FOXJ3: variants seen among roughly 807,000 people sequenced by gnomAD.
FOXJ3 encodes forkhead box protein J3.
FOXJ3 carries 22 observed loss-of-function variants against 76.1 expected under a neutral mutation model. The observed-to-expected ratio is 0.29, with a 90% CI of 0.21 to 0.41. FOXJ3 has a LOEUF of 0.41. FOXJ3 is among the 10% of genes least tolerant of loss of function. The pLI, the probability that FOXJ3 is intolerant of heterozygous loss-of-function variation, is 1.00. For synonymous variants in FOXJ3, 269 were observed against 261.2 expected, an observed-to-expected ratio of 1.03 and a Z score of -0.29; for missense variants, 613 against 762.1, an observed-to-expected ratio of 0.80 and a Z score of 2.30.
intron 1 of FOXJ3, chr1:42,315,275 T>C (rs914845326): frequency 3.4e-6 from 1 of 292,258 alleles, no homozygotes; most frequent in African/African-American, 2.3e-5. Flanking sequence ...GTTGCACAAC[T>C]TTGTGAATAC....
At chr1:42,311,513 G>C (rs188813734) in intron 1 of FOXJ3, among the ~76,000 whole-genome samples, 2 of 152,268 alleles carry the variant, frequency 1.3e-5, no homozygotes, top group Admixed American at 1.3e-4. Context: ...AGTTAAGCAT[G>C]CAAGGTTCCA....
intron 6 of FOXJ3, among the ~76,000 whole-genome samples, chr1:42,199,569 G>C (rs533355508): frequency 1.3e-5 from 2 of 151,288 alleles, no homozygotes; most frequent in East Asian, 3.9e-4. Flanking sequence ...TTTTTGCTCA[G>C]GCTTTAAGCA....
chr1:42,285,464 CAA>C (rs1387364649), intron 2 of FOXJ3, among the ~76,000 whole-genome samples: 1 of 151,084 alleles, frequency 6.6e-6, no homozygotes, highest in Non-Finnish European at 1.5e-5. Flanking sequence ...CTCGAAGGAG[CAA>C]AAAGTCTAGA....
chr1:42,334,507 T>C (rs1326040680), intron 1 of FOXJ3, among the ~76,000 whole-genome samples: 1 of 151,822 alleles, frequency 6.6e-6, no homozygotes, highest in Non-Finnish European at 1.5e-5. Context: ...GCCTTTGCCC[T>C]AATCCCAGCA....
At chr1:42,315,075 C>T (rs928882915) in intron 1 of FOXJ3, among the ~76,000 whole-genome samples, 2 of 152,144 alleles carry the variant, frequency 1.3e-5, no homozygotes, top group Non-Finnish European at 2.9e-5. Context: ...TAAGTGAAAA[C>T]GACACAAAAG....
intron 4 of FOXJ3, among the ~76,000 whole-genome samples, chr1:42,237,478 A>ATG (rs778664930): frequency 1.4e-5 from 2 of 144,470 alleles, no homozygotes; most frequent in African/African-American, 5.3e-5. Context: ...ATATATATGT[A>ATG]TATATATATA....
chr1:42,267,795 C>T (rs973524882), intron 3 of FOXJ3, among the ~76,000 whole-genome samples: 34 of 151,804 alleles, frequency 2.2e-4, no homozygotes, highest in African/African-American at 8.0e-4. Context: ...CAAATATAAA[C>T]GATAGAAATA....
chr1:42,212,756 C>T (rs1249556647), intron 5 of FOXJ3, among the ~76,000 whole-genome samples: 1 of 151,908 alleles, frequency 6.6e-6, no homozygotes, highest in Non-Finnish European at 1.5e-5. Context: ...TCACCAAAGG[C>T]ATGGAGTCAT....
intron 12 of FOXJ3, among the ~76,000 whole-genome samples, chr1:42,180,873 C>T (rs1246961383): frequency 6.6e-6 from 1 of 152,194 alleles, no homozygotes; most frequent in Non-Finnish European, 1.5e-5. Flanking sequence ...CCTAATATCA[C>T]ACAGCCATTA....
At chr1:42,195,139 CTGA>C in intron 7 of FOXJ3, 75 bp from the exon 8 acceptor site, 1 of 1,095,940 alleles carries the variant, frequency 9.1e-7, no homozygotes, top group Non-Finnish European at 1.3e-6. Context: ...AAATATATAA[CTGA>C]AAACAGTGTC....
chr1:42,288,151 T>G (rs951473087), intron 2 of FOXJ3, among the ~76,000 whole-genome samples: 1 of 152,238 alleles, frequency 6.6e-6, no homozygotes, highest in Non-Finnish European at 1.5e-5. Flanking sequence ...ATATTGTATT[T>G]TGCATTTAAA....
chr1:42,315,878 A>C (rs1300985138), intron 1 of FOXJ3, among the ~76,000 whole-genome samples: 1 of 152,252 alleles, frequency 6.6e-6, no homozygotes, highest in Non-Finnish European at 1.5e-5. Context: ...TTTGAAAACT[A>C]ATATGTATCA....
chr1:42,288,082 G>C (rs1393136809), intron 2 of FOXJ3, among the ~76,000 whole-genome samples: 1 of 152,072 alleles, frequency 6.6e-6, no homozygotes. Context: ...TACAATTTAG[G>C]GGAGGAAAAA....
intron 1 of FOXJ3, among the ~76,000 whole-genome samples, chr1:42,326,233 G>A (rs895470706): frequency 2.6e-5 from 4 of 152,150 alleles, no homozygotes; most frequent in Admixed American, 1.3e-4. Context: ...CCTGGGAGAC[G>A]GAGTGAGACT....
intron 5 of FOXJ3, among the ~76,000 whole-genome samples, chr1:42,223,287 T>C (rs1026724277): frequency 1.3e-5 from 2 of 152,194 alleles, no homozygotes; most frequent in Admixed American, 1.3e-4. Context: ...CATCTTCCTC[T>C]TGCAATGGGT....
chr1:42,290,867 C>G (rs1653371341), intron 2 of FOXJ3, among the ~76,000 whole-genome samples: 1 of 152,034 alleles, frequency 6.6e-6, no homozygotes, highest in Non-Finnish European at 1.5e-5. Flanking sequence ...TTTCAACCCT[C>G]CACTAAGCAG....
At chr1:42,228,571 A>AAC (rs1179488923) in intron 4 of FOXJ3, among the ~76,000 whole-genome samples, 1 of 151,740 alleles carries the variant, frequency 6.6e-6, no homozygotes, top group African/African-American at 2.4e-5. Context: ...CTCTCCAAAA[A>AAC]AAAAAAAAAA....
intron 7 of FOXJ3, among the ~76,000 whole-genome samples, chr1:42,197,016 T>C (rs1646664499): frequency 6.6e-6 from 1 of 152,128 alleles, no homozygotes; most frequent in Admixed American, 6.6e-5. Context: ...TGATCACGGG[T>C]AAGTAATTTT....
chr1:42,212,980 A>AAAC (rs1557641829), intron 5 of FOXJ3, among the ~76,000 whole-genome samples: 2 of 151,206 alleles, frequency 1.3e-5, no homozygotes, highest in African/African-American at 2.4e-5. Context: ...AACAAAAAAA[A>AAAC]AACTAAGTTT....
Sources: allele counts gnomAD v4.1 joint callset (sites outside exome capture counted in the v4.1 genomes callset), GRCh38; gene constraint gnomAD v4.1.1; transcripts MANE v1.5; gene names NCBI Gene and HGNC (gene_info 2026-07-23, HGNC 2026-07-21).